The following SZRD1 variants were observed in gnomAD, a reference collection of about 807,000 sequenced individuals.
SZRD1 encodes SUZ RNA-binding domain-containing.
A neutral mutation model predicts 17.6 loss-of-function variants in SZRD1; 7 were observed. The ratio of observed to expected loss-of-function variants is 0.40; its 90% CI spans 0.23 to 0.75. The LOEUF (loss-of-function observed/expected upper bound fraction) is 0.75. Among genes scored for constraint, SZRD1 ranks in the 30% least tolerant of loss-of-function variants. The pLI is 0.38. For missense variants in SZRD1, 178 were observed against 201.8 expected (o/e 0.88, Z 0.71); for synonymous variants, 77 against 77.9 (o/e 0.99, Z 0.06).
chr1:16,392,702 A>G (rs962613138), intron 2 of SZRD1, among the ~76,000 whole-genome samples: 2 of 152,072 alleles, frequency 1.3e-5, no homozygotes, highest in African/African-American at 2.4e-5. Flanking sequence ...TGGCTTGGTA[A>G]ATCTTGATGC....
At position 16,369,197 on chromosome 1, in the gene SZRD1, A is replaced by G. The variant is rs1303720977; in HGVS notation, c.51+1889A>G. Reference sequence around the variant, plus strand: ...TTGTCCTGGTTAATCTGGAAGTAACATAATTTGTAGCTATCTTTGCTGTTA... The same window carrying G: ...TTGTCCTGGTTAATCTGGAAGTAACGTAATTTGTAGCTATCTTTGCTGTTA... On this transcript the variant is annotated intron_variant, in intron 1 of 3. Coordinates refer to ENST00000401088, the MANE Select transcript of SZRD1 (RefSeq NM_001114600.3). The G allele has an allele frequency of 2.9e-5, 14 of 489,782 alleles. No homozygotes were observed. In the South Asian group the frequency reaches 5.7e-4, roughly 20 times the overall value. 30.3% of individuals were successfully genotyped at this position (489,782 alleles called of 1,614,324 possible).
intron 3 of SZRD1, among the ~76,000 whole-genome samples, chr1:16,394,213 G>T (rs1409656053): frequency 1.3e-5 from 2 of 152,174 alleles, no homozygotes; most frequent in Admixed American, 1.3e-4. Context: ...TAATTTTGAA[G>T]AGATACCTGT....
At chr1:16,374,573 A>C (rs2082968027) in intron 1 of SZRD1, among the ~76,000 whole-genome samples, 1 of 152,032 alleles carries the variant, frequency 6.6e-6, no homozygotes, top group South Asian at 2.1e-4. Context: ...TCTTTCTAAA[A>C]CTGTTGGTGC....
chr1:16,367,568 C>T (rs1448496061), intron 1 of SZRD1: 5 of 509,054 alleles, frequency 9.8e-6, no homozygotes, highest in Admixed American at 3.7e-5. Context: ...ACCCGCCACC[C>T]GGGGCCTCCT....
chr1:16,375,397 C>G (rs1014665311), intron 1 of SZRD1, among the ~76,000 whole-genome samples: 2 of 152,088 alleles, frequency 1.3e-5, no homozygotes, highest in African/African-American at 2.4e-5. Flanking sequence ...CTCACTGAAC[C>G]TCTGCCTTCC....
intron 1 of SZRD1, among the ~76,000 whole-genome samples, chr1:16,380,506 C>T (rs111826195): frequency 0.083 from 12,663 of 151,732 alleles, 697 homozygotes; most frequent in Non-Finnish European, 0.12. Context: ...TCTCTTGCTG[C>T]CCAGGCTACT....
At chr1:16,379,872 T>G (rs1433494732) in intron 1 of SZRD1, among the ~76,000 whole-genome samples, 1 of 150,338 alleles carries the variant, frequency 6.7e-6, no homozygotes, top group Non-Finnish European at 1.5e-5. Flanking sequence ...GCAATTCTCC[T>G]GCCTCAGCCT....
At chr1:16,381,721 C>T (rs553462968) in intron 1 of SZRD1, among the ~76,000 whole-genome samples, 1 of 151,972 alleles carries the variant, frequency 6.6e-6, no homozygotes, top group South Asian at 2.1e-4. Flanking sequence ...CACCTAAGGT[C>T]AGGAGTTCAA....
intron 1 of SZRD1, among the ~76,000 whole-genome samples, chr1:16,370,574 G>C (rs1317088883): frequency 6.6e-6 from 1 of 150,506 alleles, no homozygotes; most frequent in Non-Finnish European, 1.5e-5. Flanking sequence ...GATTGCCCAG[G>C]CTGGGCCTCC....
chr1:16,375,897 C>G (rs949543289), intron 1 of SZRD1, among the ~76,000 whole-genome samples: 1 of 152,180 alleles, frequency 6.6e-6, no homozygotes, highest in South Asian at 2.1e-4. Flanking sequence ...CCCAGCCCTT[C>G]CTAGCTTATA....
At position 16,396,139 on chromosome 1, in the gene SZRD1, A is replaced by G. The variant is rs1570060183; in HGVS notation, c.*999A>G. 1 of 152,662 alleles carries G rather than the reference A, an allele frequency of 6.6e-6. No individual in the cohort carries two copies. The highest frequency in any genetic ancestry group is 1.5e-5 in the Non-Finnish European group (1 of 68,068). 9.5% of individuals were successfully genotyped at this position (152,662 alleles called of 1,614,324 possible). ...GAGAAGACTTGTTTAGTATTTTGCC[A>G]TCAGCACAAGGAAAACCAGGAGAGA... is the stretch of plus-strand genomic sequence containing the variant. On this transcript the variant is annotated 3_prime_UTR_variant, in exon 4 of 4. Transcript: ENST00000401088.
Position 16,391,835 on chromosome 1 carries a change from A to G in SZRD1, c.101+411A>G, listed in dbSNP as rs2085225965. Among the ~76,000 whole-genome samples, 1 of 152,134 alleles carries G rather than the reference A, an allele frequency of 6.6e-6. No individual in the cohort carries two copies. The highest frequency in any genetic ancestry group is 1.5e-5 in the Non-Finnish European group (1 of 68,022). On this transcript the variant is annotated intron_variant, in intron 2 of 3. Coordinates refer to ENST00000401088, the MANE Select transcript of SZRD1 (RefSeq NM_001114600.3). The surrounding 1 kb of genome is among the most constrained non-coding windows in gnomAD (Gnocchi z 4.3). ...TGGGTCCCCAGTGACTTGGTGGTCT[A>G]GGGTATTATGAGGGTATCCTGGAAG...
At position 16,371,429 on chromosome 1, in the gene SZRD1, C is replaced by G. The variant is rs565901806; in HGVS notation, c.51+4121C>G. ...TCTGCTCCCATCCCTCTGCTCCCCC[C>G]TCTCCCTTCCTTTTTTTTCCTTTTT... is the stretch of plus-strand genomic sequence containing the variant. On this transcript the variant is annotated intron_variant, in intron 1 of 3. Transcript: ENST00000401088. Among the ~76,000 whole-genome samples, 774 of 148,062 alleles carry G rather than the reference C, an allele frequency of 5.2e-3. 8 individuals are homozygous for G. Among genetic ancestry groups the G allele is most frequent in the African/African-American group, 0.019 (745 of 39,958 alleles).
chr1:16,369,156 C>T, intron 1 of SZRD1: 2 of 427,876 alleles, frequency 4.7e-6, no homozygotes, highest in Non-Finnish European at 8.5e-6. Context: ...AAATTTAATC[C>T]TCATCTTCCT....
chr1:16,373,627 C>G (rs1406547522), intron 1 of SZRD1, among the ~76,000 whole-genome samples: 3 of 148,898 alleles, frequency 2.0e-5, no homozygotes, highest in African/African-American at 7.4e-5. Context: ...GAGACAGGGT[C>G]TCACTCTGTC....
chr1:16,393,374 T>G lies in SZRD1; in HGVS notation c.248T>G (p.Leu83Arg). ...CCCAACTCCACCAGCAGGCCCACCC[T>G]TCCAGTCAAGTCCCTAGCACAGCGA... ...SSPNSTSRPT[L>R]PVKSLAQREA... Residue 83 changes from leucine (L) to arginine (R), a missense_variant, in exon 3 of 4, where the codon CTT becomes CGT. Physicochemically the swap from Leu to Arg is moderately radical, Grantham distance 102. Coordinates refer to ENST00000401088, the MANE Select transcript of SZRD1 (RefSeq NM_001114600.3). The surrounding 1 kb of genome is among the most constrained non-coding windows in gnomAD (Gnocchi z 5.6). 2 of 1,614,134 alleles carry G rather than the reference T, an allele frequency of 1.2e-6. No individual in the cohort carries two copies. Among genetic ancestry groups the G allele is most frequent in the Non-Finnish European group, 1.7e-6 (2 of 1,180,022 alleles).
intron 1 of SZRD1, among the ~76,000 whole-genome samples, chr1:16,368,676 A>G (rs1042502553): frequency 6.6e-6 from 1 of 152,180 alleles, no homozygotes; most frequent in Non-Finnish European, 1.5e-5. Flanking sequence ...AGTGTCTGCT[A>G]TATGCTAGGC....
intron 1 of SZRD1, 80 bp downstream of exon 1, chr1:16,367,388 T>G: frequency 1.5e-6 from 2 of 1,370,494 alleles, no homozygotes; most frequent in Non-Finnish European, 2.0e-6. Context: ...GGTCTGGAGA[T>G]AGTTCTCCCC....
intron 1 of SZRD1, among the ~76,000 whole-genome samples, chr1:16,373,849 C>T (rs779708142): frequency 7.9e-5 from 12 of 152,046 alleles, no homozygotes; most frequent in Non-Finnish European, 1.3e-4. Context: ...GTGATCCTCC[C>T]GTTTCAGCCT....
Sources: gnomAD v4.1 joint callset for allele counts (sites outside exome capture counted in the v4.1 genomes callset) on GRCh38, gnomAD v4.1.1 for gene constraint, Gnocchi (gnomAD v3.1) non-coding constraint, MANE v1.5 for transcripts, NCBI Gene and HGNC (gene_info 2026-07-23, HGNC 2026-07-21) for gene names.